The following RYR3 variants were observed in gnomAD, a reference collection of about 807,000 sequenced individuals.
RYR3 encodes the protein ryanodine receptor 3, also known as brain ryanodine receptor-calcium release channel.
RYR3 carries 207 observed loss-of-function variants against 584.3 expected under a neutral mutation model. That is an observed-to-expected ratio of 0.35 (90% confidence interval 0.32 to 0.40). RYR3 has a LOEUF of 0.40. Among genes scored for constraint, RYR3 ranks in the 10% least tolerant of loss-of-function variants. The pLI is 1.00. For missense variants in RYR3, 5,616 were observed against 6,089.2 expected (o/e 0.92, Z 2.59); for synonymous variants, 2,416 against 2,248.5 (o/e 1.07, Z -2.11).
intron 57 of RYR3, among the ~76,000 whole-genome samples, chr15:33,753,670 A>C (rs911289026): frequency 1.3e-5 from 2 of 152,226 alleles, no homozygotes; most frequent in African/African-American, 4.8e-5. Flanking sequence ...AATCTGTACA[A>C]ACATTTCTAT....
At chr15:33,725,974 C>CTCCG (rs2068391095) in intron 45 of RYR3, among the ~76,000 whole-genome samples, 1 of 37,622 alleles carries the variant, frequency 2.7e-5, no homozygotes, top group African/African-American at 7.3e-5. Context: ...CATCCCCCCC[C>CTCCG]CCAAAAAAAA....
intron 1 of RYR3, among the ~76,000 whole-genome samples, chr15:33,331,914 TTGA>T (rs1198886720): frequency 5.3e-5 from 8 of 151,944 alleles, no homozygotes; most frequent in Admixed American, 5.3e-4. Flanking sequence ...TGGAAGGTAA[TTGA>T]TGATAAAGAA....
chr15:33,821,692 A>G (rs956481586), intron 80 of RYR3, 90 bp downstream of exon 80: 22 of 1,245,372 alleles, frequency 1.8e-5, no homozygotes, highest in Non-Finnish European at 2.3e-5. Flanking sequence ...TGACTGCTAC[A>G]GAGGGGAGCC....
intron 2 of RYR3, among the ~76,000 whole-genome samples, chr15:33,474,187 C>T (rs1264394961): frequency 1.3e-5 from 2 of 152,146 alleles, no homozygotes; most frequent in African/African-American, 4.8e-5. Flanking sequence ...CTGGGAAAAC[C>T]TCTATATCCG....
chr15:33,763,904 A>AAAAAAAAAAAAAAAAAAAAAAC (rs1567121773), intron 60 of RYR3, among the ~76,000 whole-genome samples: 7 of 130,644 alleles, frequency 5.4e-5, no homozygotes, highest in African/African-American at 2.3e-4. Flanking sequence ...AAAAAAAAAA[A>AAAAAAAAAAAAAAAAAAAAAAC]AAAAAAAAAA....
chr15:33,480,639 A>G (rs2049874073), intron 2 of RYR3, among the ~76,000 whole-genome samples: 1 of 152,224 alleles, frequency 6.6e-6, no homozygotes, highest in Non-Finnish European at 1.5e-5. Context: ...GATGTTTTAA[A>G]CAATGAATCA....
chr15:33,536,563 A>G (rs2055345782), intron 5 of RYR3, among the ~76,000 whole-genome samples: 1 of 152,094 alleles, frequency 6.6e-6, no homozygotes, highest in African/African-American at 2.4e-5. Context: ...AGTGTGGGAG[A>G]GGGCAGGGAA....
chr15:33,455,772 C>A (rs535203212), intron 1 of RYR3, among the ~76,000 whole-genome samples: 248 of 152,224 alleles, frequency 1.6e-3, no homozygotes, highest in Non-Finnish European at 2.3e-3. Flanking sequence ...GTATTAGATA[C>A]AAATGTCTAC....
At chr15:33,584,681 G>A (rs1049258741) in intron 15 of RYR3, among the ~76,000 whole-genome samples, 191 bp downstream of exon 15, 1 of 151,932 alleles carries the variant, frequency 6.6e-6, no homozygotes, top group African/African-American at 2.4e-5. Context: ...CTCTAACCCA[G>A]ACTTCAACAA....
At chr15:33,338,905 G>A (rs1208605072) in intron 1 of RYR3, among the ~76,000 whole-genome samples, 1 of 152,108 alleles carries the variant, frequency 6.6e-6, no homozygotes, top group Non-Finnish European at 1.5e-5. Flanking sequence ...TAAACAATAT[G>A]TTATTTATGT....
At chr15:33,549,039 TTC>T in intron 9 of RYR3, among the ~76,000 whole-genome samples, 1 of 145,896 alleles carries the variant, frequency 6.9e-6, no homozygotes, top group South Asian at 2.3e-4. Flanking sequence ...ATGTTAGGAA[TTC>T]TCTTACACCA....
At chr15:33,387,668 A>AT (rs2041707482) in intron 1 of RYR3, among the ~76,000 whole-genome samples, 1 of 151,986 alleles carries the variant, frequency 6.6e-6, no homozygotes, top group Admixed American at 6.6e-5. Flanking sequence ...CTCACAAAAA[A>AT]AAAACAGAAA....
chr15:33,415,316 G>A (rs181315832), intron 1 of RYR3, among the ~76,000 whole-genome samples: 1 of 152,228 alleles, frequency 6.6e-6, no homozygotes, highest in Admixed American at 6.5e-5. Context: ...CTATAGGACA[G>A]CACAGGCATG....
chr15:33,346,786 A>G (rs1972510986), intron 1 of RYR3, among the ~76,000 whole-genome samples: 1 of 152,170 alleles, frequency 6.6e-6, no homozygotes. Context: ...AAAGGCCCTA[A>G]AAGCACGTTA....
intron 67 of RYR3, among the ~76,000 whole-genome samples, chr15:33,794,153 T>TATACATA (rs1567184665): frequency 6.2e-4 from 66 of 106,350 alleles, no homozygotes; most frequent in Non-Finnish European, 1.1e-3. Context: ...CATAAATATA[T>TATACATA]AATATATAAT....
intron 31 of RYR3, 44 bp from the exon 32 acceptor site, chr15:33,652,674 T>G (rs1028074557): frequency 6.3e-7 from 1 of 1,584,352 alleles, no homozygotes; most frequent in Non-Finnish European, 8.6e-7. Flanking sequence ...GATTACAAAC[T>G]GCCCCAGTCC....
At chr15:33,691,984 G>A (rs1323353355) in intron 38 of RYR3, among the ~76,000 whole-genome samples, 3 of 152,108 alleles carry the variant, frequency 2.0e-5, no homozygotes, top group African/African-American at 7.2e-5. Flanking sequence ...GGACTTAAAG[G>A]GTATCTAAAG....
At position 33,560,855 on chromosome 15, in the gene RYR3, A is replaced by G. The variant is rs573175035; in HGVS notation, c.973-1982A>G. On this transcript the variant is annotated intron_variant, in intron 10 of 103. Transcript: ENST00000634891. ...TCAGAAATATGTTTTTCTGGAAATA[A>G]TCTTTTTAAAAAAGAAAAATTCATA... is the stretch of plus-strand genomic sequence containing the variant. Among the ~76,000 whole-genome samples the G allele has an allele frequency of 6.6e-5, 10 of 152,182 alleles. No homozygotes were observed. The South Asian group carries it at 2.1e-3, about 32-fold the overall frequency.
At chr15:33,724,343 C>G (rs1185508697) in intron 45 of RYR3, among the ~76,000 whole-genome samples, 167 bp downstream of exon 45, 1 of 152,196 alleles carries the variant, frequency 6.6e-6, no homozygotes, top group Non-Finnish European at 1.5e-5. Context: ...ATACGTGACT[C>G]TGCTGCTTTC....
Sources: allele counts gnomAD v4.1 joint callset (sites outside exome capture counted in the v4.1 genomes callset), GRCh38; gene constraint gnomAD v4.1.1; transcripts MANE v1.5; gene names NCBI Gene and HGNC (gene_info 2026-07-23, HGNC 2026-07-21).